The following SPATA13 variants were observed in gnomAD, a reference collection of about 807,000 sequenced individuals.
SPATA13 encodes spermatogenesis-associated protein 13.
Under a neutral mutation model 104.0 loss-of-function variants are expected in SPATA13, and 50 were observed. That is an observed-to-expected ratio of 0.48 (90% confidence interval 0.38 to 0.61). The LOEUF is 0.61. SPATA13 is among the 20% of genes least tolerant of loss of function. SPATA13 has a pLI of 0.00. For synonymous variants in SPATA13, 606 were observed against 667.5 expected (o/e 0.91, Z 1.42); for missense variants, 1,524 against 1,690.6 (o/e 0.90, Z 1.73).
intron 3 of SPATA13, among the ~76,000 whole-genome samples, chr13:24,115,501 C>T (rs1002005472): frequency 6.6e-6 from 1 of 152,192 alleles, no homozygotes; most frequent in Non-Finnish European, 1.5e-5. Flanking sequence ...ATGTACGTTG[C>T]GTGCTCCTTA....
At chr13:24,016,915 G>T (rs1468916878) in intron 2 of SPATA13, among the ~76,000 whole-genome samples, 1 of 152,202 alleles carries the variant, frequency 6.6e-6, no homozygotes, top group Non-Finnish European at 1.5e-5. Flanking sequence ...AGCCTTCAAT[G>T]AATACAGTTT....
At chr13:24,063,044 T>G (rs1342249966) in intron 3 of SPATA13, among the ~76,000 whole-genome samples, 1 of 151,986 alleles carries the variant, frequency 6.6e-6, no homozygotes, top group Non-Finnish European at 1.5e-5. Flanking sequence ...CCTGCTCAGA[T>G]GTACTCCCTG....
chr13:24,046,084 A>AT (rs1048330737), intron 3 of SPATA13, among the ~76,000 whole-genome samples: 2 of 151,770 alleles, frequency 1.3e-5, no homozygotes, highest in African/African-American at 4.8e-5. Flanking sequence ...CATGCGTTAG[A>AT]TTTTTTTTTA....
At chr13:24,259,486 C>T (rs1000919289) in intron 4 of SPATA13, among the ~76,000 whole-genome samples, 1 of 152,226 alleles carries the variant, frequency 6.6e-6, no homozygotes, top group Non-Finnish European at 1.5e-5. Flanking sequence ...TTTCAAAGTA[C>T]AATTGGGGAT....
At chr13:24,267,601 T>C (rs542597065) in intron 4 of SPATA13, among the ~76,000 whole-genome samples, 3 of 152,312 alleles carry the variant, frequency 2.0e-5, no homozygotes, top group African/African-American at 7.2e-5. Context: ...TTTTGAAAAC[T>C]AATGATTTTA....
At position 24,045,385 on chromosome 13, in the gene SPATA13, A is replaced by G. The variant is rs1395648793; in HGVS notation, c.-112+27684A>G. Among the ~76,000 whole-genome samples, 3 of 152,210 alleles carry G rather than the reference A, an allele frequency of 2.0e-5. No homozygotes were observed. In the East Asian group the frequency reaches 5.8e-4, roughly 29 times the overall value. On this transcript the variant is annotated intron_variant, in intron 3 of 14. Transcript: ENST00000424834. ...TATACACACCTTTTAGTATGAGCCA[A>G]AGTTTTTGGAAACAGGCATTTTGCA... is the stretch of plus-strand genomic sequence containing the variant.
At chr13:24,244,953 G>GAATTGAGCCAA (rs1873035879) in intron 2 of SPATA13, among the ~76,000 whole-genome samples, 2 of 152,210 alleles carry the variant, frequency 1.3e-5, no homozygotes, top group African/African-American at 4.8e-5. Flanking sequence ...ACTTGGGTCT[G>GAATTGAGCCAA]AATTGCCCAT....
intron 1 of SPATA13, among the ~76,000 whole-genome samples, chr13:24,177,709 C>T (rs1285981861): frequency 2.0e-5 from 3 of 152,250 alleles, no homozygotes; most frequent in Middle Eastern, 3.4e-3. Context: ...ACCTTGGCCT[C>T]CCAAAGTGTT....
Position 24,011,573 on chromosome 13 carries a change from A to T in SPATA13, c.-146-6094A>T, listed in dbSNP as rs1268177818. Among the ~76,000 whole-genome samples, 1 of 152,190 alleles carries T rather than the reference A, an allele frequency of 6.6e-6. No homozygotes were observed. Among genetic ancestry groups the T allele is most frequent in the Admixed American group, 6.5e-5 (1 of 15,284 alleles). On this transcript the variant is annotated intron_variant, in intron 2 of 14. Transcript: ENST00000424834. The surrounding 1 kb of genome is among the most constrained non-coding windows in gnomAD (Gnocchi z 4.3). ...GCTGGCCATGCTCCTGATGGGCCTG[A>T]TATGGATACAGACTAGCATGTCCCA...
chr13:24,277,150 GA>G (rs1875048299), intron 4 of SPATA13, among the ~76,000 whole-genome samples: 1 of 152,198 alleles, frequency 6.6e-6, no homozygotes, highest in African/African-American at 2.4e-5. Context: ...ACTGTTTTAA[GA>G]AGTTCACCTT....
intron 12 of SPATA13, among the ~76,000 whole-genome samples, chr13:24,301,823 A>C (rs1038796234): frequency 6.6e-6 from 1 of 152,232 alleles, no homozygotes; most frequent in Admixed American, 6.5e-5. Context: ...AAAAATACCT[A>C]TGCCGGTGAA....
At chr13:24,219,262 G>T (rs190104781) in intron 1 of SPATA13, among the ~76,000 whole-genome samples, 1 of 152,076 alleles carries the variant, frequency 6.6e-6, no homozygotes, top group South Asian at 2.1e-4. Context: ...CCAGGAAAAG[G>T]CTTTTTTTCC....
intron 3 of SPATA13, among the ~76,000 whole-genome samples, chr13:24,130,648 G>C (rs1447225598): frequency 1.3e-5 from 2 of 152,222 alleles, no homozygotes; most frequent in Admixed American, 1.3e-4. Flanking sequence ...CCTAAGTGAA[G>C]TGAATAGTTC....
At chr13:24,061,959 G>C (rs1878788404) in intron 3 of SPATA13, among the ~76,000 whole-genome samples, 1 of 151,908 alleles carries the variant, frequency 6.6e-6, no homozygotes, top group African/African-American at 2.4e-5. Context: ...CAGCTAGCTG[G>C]TATGTTTTAG....
At chr13:24,160,553 T>C (rs1882425550), upstream of SPATA13, among the ~76,000 whole-genome samples, 1 of 151,828 alleles carries the variant, frequency 6.6e-6, no homozygotes, top group Non-Finnish European at 1.5e-5. Flanking sequence ...CGGGGAACTG[T>C]TTTTGATGGG....
At chr13:24,114,327 C>T (rs562781108) in intron 3 of SPATA13, among the ~76,000 whole-genome samples, 52 of 105,428 alleles carry the variant, frequency 4.9e-4, no homozygotes, top group African/African-American at 1.4e-3. Flanking sequence ...AACCAATATG[C>T]GAGCATATAG....
rs146006721 is a variant in SPATA13 at position 24,172,612 on chromosome 13, A to G, written c.-112+11680A>G. Among the ~76,000 whole-genome samples, 14 of 152,326 alleles carry G rather than the reference A, an allele frequency of 9.2e-5. No homozygotes were observed. In the East Asian group the frequency reaches 2.7e-3, roughly 29 times the overall value. On this transcript the variant is annotated intron_variant, in intron 1 of 12. Transcript: ENST00000382108. ...CTCTAGCACTGTTTGTTGAAAAAAC[A>G]TCCTTCTTGCATTCAGTTGGTTTTG... is the stretch of plus-strand genomic sequence containing the variant.
At chr13:24,114,291 C>T (rs1448096436) in intron 3 of SPATA13, among the ~76,000 whole-genome samples, 2 of 150,650 alleles carry the variant, frequency 1.3e-5, no homozygotes, top group African/African-American at 4.9e-5. Flanking sequence ...TTTCTCATTG[C>T]TTTCTGAGAG....
chr13:24,222,362 G>C (rs1871633985), intron 1 of SPATA13, among the ~76,000 whole-genome samples: 1 of 152,176 alleles, frequency 6.6e-6, no homozygotes, highest in African/African-American at 2.4e-5. Flanking sequence ...ATTCCTGCGT[G>C]TGCCAGCACT....
Sources: gnomAD v4.1 joint callset for allele counts (sites outside exome capture counted in the v4.1 genomes callset) on GRCh38, gnomAD v4.1.1 for gene constraint, Gnocchi (gnomAD v3.1) non-coding constraint, MANE v1.5 for transcripts, NCBI Gene and HGNC (gene_info 2026-07-23, HGNC 2026-07-21) for gene names.